Variants in ADK observed in about 807,000 individuals in gnomAD.
ADK encodes the protein N6,N6-dimethyladenosine kinase.
A neutral mutation model predicts 44.7 loss-of-function variants in ADK; 24 were observed. The ratio of observed to expected loss-of-function variants is 0.54; its 90% CI spans 0.39 to 0.76. The LOEUF (loss-of-function observed/expected upper bound fraction) is 0.76, where lower values mean the gene tolerates loss of function less well. Among genes scored for constraint, ADK ranks in the 30% least tolerant of loss-of-function variants. The pLI is 0.00. For missense variants in ADK, 321 were observed against 425.1 expected (o/e 0.76, Z 2.15); for synonymous variants, 128 against 142.6 (o/e 0.90, Z 0.73).
intron 3 of ADK, among the ~76,000 whole-genome samples, chr10:74,249,807 C>A (rs1387472211): frequency 6.6e-6 from 1 of 152,158 alleles, no homozygotes; most frequent in East Asian, 1.9e-4. Context: ...CCAGATCATT[C>A]AGTTCTTCAA....
At chr10:74,635,004 A>G (rs1299611730) in intron 9 of ADK, among the ~76,000 whole-genome samples, 3 of 152,176 alleles carry the variant, frequency 2.0e-5, no homozygotes, top group Admixed American at 1.3e-4. Flanking sequence ...GACAACAGCA[A>G]AAGGCCTAAA....
intron 2 of ADK, among the ~76,000 whole-genome samples, chr10:74,210,674 A>G (rs1843780878): frequency 1.3e-5 from 2 of 152,306 alleles, no homozygotes; most frequent in South Asian, 4.1e-4. Context: ...GTAATTGGCC[A>G]TAAATTTTAG....
intron 3 of ADK, among the ~76,000 whole-genome samples, chr10:74,291,084 A>G (rs996474070): frequency 1.3e-5 from 2 of 152,210 alleles, no homozygotes; most frequent in African/African-American, 2.4e-5. Flanking sequence ...ACTAAAGAAT[A>G]TAGGAGTTTT....
chr10:74,651,374 C>G (rs1191139907), intron 9 of ADK, among the ~76,000 whole-genome samples: 1 of 151,888 alleles, frequency 6.6e-6, no homozygotes, highest in East Asian at 1.9e-4. Flanking sequence ...GAAGAAATCC[C>G]AGATGAAAAA....
intron 10 of ADK, among the ~76,000 whole-genome samples, chr10:74,706,287 A>C (rs1160924603): frequency 6.6e-6 from 1 of 152,202 alleles, no homozygotes; most frequent in African/African-American, 2.4e-5. Flanking sequence ...CTCAAAAATA[A>C]ATAAATTTTT....
intron 10 of ADK, among the ~76,000 whole-genome samples, chr10:74,691,254 C>G (rs1855978341): frequency 1.3e-5 from 2 of 152,146 alleles, no homozygotes; most frequent in African/African-American, 2.4e-5. Flanking sequence ...CCAGAAATGA[C>G]TAAGAACAAA....
intron 3 of ADK, among the ~76,000 whole-genome samples, chr10:74,307,198 T>C (rs1037190939): frequency 1.3e-5 from 2 of 152,212 alleles, no homozygotes; most frequent in African/African-American, 2.4e-5. Context: ...GTTGCTCTTT[T>C]CTTGTTCTGT....
intron 7 of ADK, among the ~76,000 whole-genome samples, chr10:74,559,739 A>G (rs796229418): frequency 1.4e-4 from 21 of 152,196 alleles, no homozygotes; most frequent in African/African-American, 4.8e-4. Context: ...TAATGTTGTA[A>G]TTCTATATCT....
At position 74,384,022 on chromosome 10, in the gene ADK, T is replaced by C. The variant is rs1299638619; in HGVS notation, c.274-10119T>C. Among the ~76,000 whole-genome samples the C allele has an allele frequency of 2.0e-5, 3 of 152,194 alleles. No individual in the cohort carries two copies. In the East Asian group the frequency reaches 5.8e-4, roughly 29 times the overall value. On this transcript the variant is annotated intron_variant, in intron 4 of 10. Transcript: ENST00000539909. ...CAGCTTGGACACAGTTTCTCATATT[T>C]ATCTTAGGAAATCTTCTTTGGCCAC...
chr10:74,168,219 A>G (rs1288616851), intron 1 of ADK, among the ~76,000 whole-genome samples: 1 of 152,184 alleles, frequency 6.6e-6, no homozygotes, highest in African/African-American at 2.4e-5. Context: ...CTCGATAAAT[A>G]TTTGTTGAGT....
At chr10:74,271,397 G>T (rs1004105038) in intron 3 of ADK, among the ~76,000 whole-genome samples, 32 of 151,008 alleles carry the variant, frequency 2.1e-4, no homozygotes, top group Non-Finnish European at 7.4e-5. Flanking sequence ...ATATATTTTT[G>T]TTGTTGTTGT....
intron 6 of ADK, among the ~76,000 whole-genome samples, chr10:74,482,163 T>A (rs1275257930): frequency 6.6e-6 from 1 of 152,148 alleles, no homozygotes; most frequent in Non-Finnish European, 1.5e-5. Context: ...GAAAAGAAGT[T>A]TAGTTGGTTT....
chr10:74,274,741 TATATATACACAC>T (rs1846598248), intron 3 of ADK, among the ~76,000 whole-genome samples: 2 of 127,160 alleles, frequency 1.6e-5, no homozygotes, highest in Non-Finnish European at 3.4e-5. Flanking sequence ...TGTATATATA[TATATATACACAC>T]ACACATTATA....
At chr10:74,272,118 AT>A (rs953305912) in intron 3 of ADK, among the ~76,000 whole-genome samples, 29 of 152,246 alleles carry the variant, frequency 1.9e-4, no homozygotes, top group African/African-American at 6.0e-4. Flanking sequence ...TTGCTAATAT[AT>A]TTTGCATTAC....
rs117390372 is a variant in ADK at position 74,495,665 on chromosome 10, T to C, written c.556-29591T>C. 2.0e-5 allele frequency among the ~76,000 whole-genome samples: 3 copies of C among 152,284 alleles called. No individual in the cohort carries two copies. The East Asian group carries it at 5.8e-4, about 29-fold the overall frequency. On this transcript the variant is annotated intron_variant, in intron 6 of 10. Transcript: ENST00000539909. Reference sequence around the variant, plus strand: ...ACTTCACCCATTTCCCTATCTTCCTTTGTGCTTGGAGTTCCTGAGTCTGAA... The same window carrying C: ...ACTTCACCCATTTCCCTATCTTCCTCTGTGCTTGGAGTTCCTGAGTCTGAA...
intron 6 of ADK, among the ~76,000 whole-genome samples, chr10:74,406,556 GA>G (rs1564703613): frequency 1.3e-5 from 2 of 150,150 alleles, no homozygotes; most frequent in Non-Finnish European, 3.0e-5. Flanking sequence ...AGAAGAAGAA[GA>G]AGAAGAAGAA....
intron 7 of ADK, among the ~76,000 whole-genome samples, chr10:74,542,792 C>T (rs1392753916): frequency 6.6e-6 from 1 of 152,032 alleles, no homozygotes; most frequent in African/African-American, 2.4e-5. Context: ...TAGATAGATC[C>T]TCTTTGAACT....
intron 10 of ADK, among the ~76,000 whole-genome samples, chr10:74,699,924 AT>A (rs969589457): frequency 6.6e-6 from 1 of 152,174 alleles, no homozygotes; most frequent in Admixed American, 6.6e-5. Context: ...GCACTCTTAC[AT>A]TACTAGTAGA....
intron 4 of ADK, among the ~76,000 whole-genome samples, chr10:74,357,023 T>A (rs1355702701): frequency 1.3e-5 from 2 of 152,178 alleles, no homozygotes; most frequent in African/African-American, 4.8e-5. Flanking sequence ...CAATAGAAGA[T>A]CAGAGTTCCT....
Sources: allele counts gnomAD v4.1 joint callset (sites outside exome capture counted in the v4.1 genomes callset), GRCh38; gene constraint gnomAD v4.1.1; transcripts MANE v1.5; gene names NCBI Gene and HGNC (gene_info 2026-07-23, HGNC 2026-07-21).